The following ALOX5 variants were observed in gnomAD, a reference collection of about 807,000 sequenced individuals.
ALOX5 encodes polyunsaturated fatty acid 5-lipoxygenase.
A neutral mutation model predicts 87.9 loss-of-function variants in ALOX5; 64 were observed. The observed-to-expected ratio is 0.73, with a 90% confidence interval of 0.60 to 0.90. The LOEUF (loss-of-function observed/expected upper bound fraction) is 0.90. ALOX5 is among the 40% of genes least tolerant of loss of function. The pLI is 0.00. For missense variants in ALOX5, 822 were observed against 907.5 expected (o/e 0.91, Z 1.21); for synonymous variants, 388 against 355.1 (o/e 1.09, Z -1.04).
chr10:45,414,359 T>C (rs1482757775), intron 4 of ALOX5, among the ~76,000 whole-genome samples: 2 of 151,240 alleles, frequency 1.3e-5, no homozygotes, highest in African/African-American at 2.4e-5. Flanking sequence ...ATTTAATAAA[T>C]GGTGCTGGGA....
At chr10:45,382,108 G>A (rs958838548) in intron 1 of ALOX5, among the ~76,000 whole-genome samples, 22 of 152,338 alleles carry the variant, frequency 1.4e-4, no homozygotes, top group Admixed American at 3.9e-4. Flanking sequence ...ATGAATCATC[G>A]TGAGATGTGA....
chr10:45,394,638 CA>C (rs1840431395), intron 2 of ALOX5, among the ~76,000 whole-genome samples: 1 of 152,006 alleles, frequency 6.6e-6, no homozygotes, highest in South Asian at 2.1e-4. Flanking sequence ...TTCTGCACAG[CA>C]AAAGAAACTA....
intron 7 of ALOX5, among the ~76,000 whole-genome samples, chr10:45,439,582 G>A (rs1025960449): frequency 9.9e-5 from 15 of 152,208 alleles, no homozygotes; most frequent in African/African-American, 1.7e-4. Context: ...AGGGGGCAAC[G>A]TGCAGGGCTG....
intron 4 of ALOX5, among the ~76,000 whole-genome samples, chr10:45,423,164 G>T (rs1045033977): frequency 6.6e-6 from 1 of 152,238 alleles, no homozygotes; most frequent in African/African-American, 2.4e-5. Context: ...GAGCATTCCA[G>T]CCTGAAGGAA....
chr10:45,381,275 T>C (rs540099329), intron 1 of ALOX5, among the ~76,000 whole-genome samples: 32 of 152,354 alleles, frequency 2.1e-4, no homozygotes, highest in African/African-American at 7.7e-4. Flanking sequence ...AGCTGCTTGG[T>C]CTCACTGTTC....
chr10:45,401,675 G>A lies in ALOX5; in HGVS notation c.431+5739G>A, dbSNP rs560715904. Among the ~76,000 whole-genome samples, 3 of 152,262 alleles carry A rather than the reference G, an allele frequency of 2.0e-5. No individual in the cohort carries two copies. The East Asian group carries it at 5.8e-4, about 29-fold the overall frequency. ...ACACCCAGCTTCCCTGGACATTTAG[G>A]AGGTTTCTAATTTTTGTATTCTTAT... On this transcript the variant is annotated intron_variant, in intron 3 of 13. Coordinates refer to ENST00000374391, the MANE Select transcript of ALOX5 (RefSeq NM_000698.5).
At chr10:45,406,455 A>G (rs948061661) in intron 3 of ALOX5, among the ~76,000 whole-genome samples, 4 of 152,190 alleles carry the variant, frequency 2.6e-5, no homozygotes, top group African/African-American at 7.2e-5. Flanking sequence ...TGAACTTCAC[A>G]TAACTGTGTT....
In ALOX5 at chr10:45,423,983, G is replaced by T. The variant is rs188147236; in HGVS notation, c.555-58G>T. Reference sequence around the variant, plus strand: ...ACCCCTGAGAGCTTGGTGTGAAGGGGCTCTGCAGAGGGAGGCATGGCTAGT... The same window carrying T: ...ACCCCTGAGAGCTTGGTGTGAAGGGTCTCTGCAGAGGGAGGCATGGCTAGT... On this transcript the variant is annotated intron_variant, in intron 4 of 13. Transcript: ENST00000374391. 268 of 1,366,868 alleles carry T rather than the reference G, an allele frequency of 2.0e-4. 2 individuals are homozygous for T. In the East Asian group the frequency reaches 5.4e-3, roughly 28 times the overall value. 84.7% of individuals were successfully genotyped at this position (1,366,868 alleles called of 1,614,324 possible). A position where few individuals can be genotyped will look rare whatever the true frequency, so the allele number is the denominator to read the frequency against.
At chr10:45,405,340 G>A (rs138772243) in intron 3 of ALOX5, among the ~76,000 whole-genome samples, 93 of 152,316 alleles carry the variant, frequency 6.1e-4, no homozygotes, top group African/African-American at 2.1e-3. Context: ...GTCAGTACCC[G>A]ATGACCTTGT....
At position 45,445,773 on chromosome 10, in the gene ALOX5, C is replaced by G; in HGVS notation, c.*86C>G. ...CCTGGCAGGCTGTCTGGCCAGGCCT[C>G]TTGGCAGTCACATCTCTTCCTCCGA... On this transcript the variant is annotated 3_prime_UTR_variant, in exon 14 of 14. Coordinates refer to ENST00000374391, the MANE Select transcript of ALOX5 (RefSeq NM_000698.5). 7.0e-7 allele frequency: 1 copy of G among 1,431,166 alleles called. No homozygotes were observed. Among genetic ancestry groups the G allele is most frequent in the Non-Finnish European group, 9.6e-7 (1 of 1,041,506 alleles). 88.7% of individuals were successfully genotyped at this position (1,431,166 alleles called of 1,614,324 possible). A position where few individuals can be genotyped will look rare whatever the true frequency, so the allele number is the denominator to read the frequency against.
intron 1 of ALOX5, among the ~76,000 whole-genome samples, chr10:45,379,484 C>G (rs1839753098): frequency 6.6e-6 from 1 of 152,238 alleles, no homozygotes; most frequent in Admixed American, 6.5e-5. Context: ...GGAGTTCCTT[C>G]TGGGCTTTGA....
At chr10:45,383,028 T>G (rs955543796) in intron 2 of ALOX5, among the ~76,000 whole-genome samples, 4 of 152,238 alleles carry the variant, frequency 2.6e-5, no homozygotes, top group African/African-American at 9.6e-5. Context: ...CTTCTCTAGT[T>G]GCCAGGGTGT....
chr10:45,413,634 G>C (rs1313517621), intron 4 of ALOX5, among the ~76,000 whole-genome samples: 2 of 152,136 alleles, frequency 1.3e-5, no homozygotes, highest in African/African-American at 4.8e-5. Context: ...ATTCAATTAG[G>C]AAAAGAGGAA....
chr10:45,424,468 G>A (rs1841621374), intron 5 of ALOX5, among the ~76,000 whole-genome samples: 1 of 152,186 alleles, frequency 6.6e-6, no homozygotes, highest in Non-Finnish European at 1.5e-5. Context: ...CAGAGCAAAG[G>A]CAGAACTTGG....
Position 45,425,220 on chromosome 10 carries a change from A to T in ALOX5, c.834+88A>T. ...TCCTGGCCAGTGCTCATAGGCCACC[A>T]AGACGCTAACTGCAGGCCCATCTGG... On this transcript the variant is annotated intron_variant, in intron 6 of 13. Coordinates refer to ENST00000374391, the MANE Select transcript of ALOX5 (RefSeq NM_000698.5). This position sits in a 1 kb window ranked among gnomAD's most constrained non-coding sequence, Gnocchi z 4.4. 6.9e-7 allele frequency: 1 copy of T among 1,458,598 alleles called. No individual in the cohort carries two copies. Among genetic ancestry groups the T allele is most frequent in the East Asian group, 2.5e-5 (1 of 40,692 alleles). The allele number at this position is 1,458,598 out of a possible 1,614,324, so 90.4% of individuals were successfully genotyped here.
chr10:45,413,253 T>C (rs1042433074), intron 4 of ALOX5, among the ~76,000 whole-genome samples: 1 of 152,150 alleles, frequency 6.6e-6, no homozygotes, highest in Non-Finnish European at 1.5e-5. Flanking sequence ...CATGATCAAG[T>C]GGGCTTCATC....
At chr10:45,433,544 T>C (rs1459110503) in intron 7 of ALOX5, among the ~76,000 whole-genome samples, 1 of 152,202 alleles carries the variant, frequency 6.6e-6, no homozygotes, top group Non-Finnish European at 1.5e-5. Flanking sequence ...CCCTGATGGC[T>C]TGCAGGTAAG....
At chr10:45,396,036 A>G (rs2029253) in intron 3 of ALOX5, 100 bp downstream of exon 3, 485,606 of 1,229,478 alleles carry the variant, frequency 0.39, 99,524 homozygotes, top group East Asian at 0.6. Context: ...ATGGCCTGTC[A>G]CTGCTGGAAA....
At chr10:45,415,937 A>G (rs542019687) in intron 4 of ALOX5, among the ~76,000 whole-genome samples, 2 of 152,146 alleles carry the variant, frequency 1.3e-5, no homozygotes, top group Admixed American at 6.6e-5. Flanking sequence ...TTGGGGTCCA[A>G]AGATTTTCAT....
Sources: gnomAD v4.1 joint callset for allele counts (sites outside exome capture counted in the v4.1 genomes callset) on GRCh38, gnomAD v4.1.1 for gene constraint, Gnocchi (gnomAD v3.1) non-coding constraint, MANE v1.5 for transcripts, NCBI Gene and HGNC (gene_info 2026-07-23, HGNC 2026-07-21) for gene names.